The following OGG1 variants were observed in gnomAD, a reference collection of about 807,000 sequenced individuals.
OGG1 encodes N-glycosylase/DNA lyase.
A neutral mutation model predicts 42.3 loss-of-function variants in OGG1; 35 were observed. That is an observed-to-expected ratio of 0.83 (90% CI 0.63 to 1.10). The LOEUF is 1.10. Among genes scored for constraint, OGG1 ranks in the 50% least tolerant of loss-of-function variants. The pLI is 0.00. For missense variants in OGG1, 484 were observed against 446.7 expected (o/e 1.08, Z -0.75); for synonymous variants, 189 against 179.0 (o/e 1.06, Z -0.44).
downstream of OGG1, among the ~76,000 whole-genome samples, chr3:9,768,991 C>A (rs2078232369): frequency 6.6e-6 from 1 of 152,046 alleles, no homozygotes; most frequent in Admixed American, 6.6e-5. Context: ...CTGTAGCAGA[C>A]ATGCCACACC....
intron 3 of OGG1, chr3:9,785,309 C>T: frequency 6.2e-7 from 1 of 1,609,052 alleles, no homozygotes; most frequent in African/African-American, 1.3e-5. Flanking sequence ...GATAGGACAC[C>T]ACTCACCTGA....
intron 2 of OGG1, chr3:9,780,504 C>T: frequency 6.2e-7 from 1 of 1,608,348 alleles, no homozygotes; most frequent in Non-Finnish European, 8.5e-7. Flanking sequence ...CAGCCATGCG[C>T]ACCCGCTGCC....
intron 3 of OGG1, among the ~76,000 whole-genome samples, chr3:9,784,589 G>A (rs946652358): frequency 6.6e-6 from 1 of 151,994 alleles, no homozygotes; most frequent in African/African-American, 2.4e-5. Flanking sequence ...AGTAAGCCAG[G>A]CATGGTGGCT....
At chr3:9,754,053 C>T (rs777224715) in intron 3 of OGG1, among the ~76,000 whole-genome samples, 2 of 152,082 alleles carry the variant, frequency 1.3e-5, no homozygotes, top group Admixed American at 6.5e-5. Context: ...GTGGGAGGAT[C>T]GCTTGAGCCT....
downstream of OGG1, chr3:9,760,718 T>G (rs760839181): frequency 1.5e-5 from 25 of 1,613,910 alleles, no homozygotes; most frequent in Non-Finnish European, 2.0e-5. Context: ...CAAAATCTGT[T>G]CAAAGAGTTT....
In OGG1 at chr3:9,756,873, G is replaced by T. The variant is rs773230868; in HGVS notation, c.948+57G>T. 2.1e-5 allele frequency: 34 copies of T among 1,612,404 alleles called. No homozygotes were observed. In the South Asian group the frequency reaches 3.1e-4, roughly 15 times the overall value. ...CCTCTCCTCCAGCCCAGACCCAGTG[G>T]ACTCTTCCACCACCGCCCCAGGTGG... On this transcript the variant is annotated intron_variant, in intron 6 of 6. Transcript: ENST00000344629.
intron 3 of OGG1, chr3:9,787,068 G>T: frequency 6.2e-7 from 1 of 1,614,246 alleles, no homozygotes; most frequent in South Asian, 1.1e-5. Context: ...TCTTCCGGCT[G>T]TTCATGCTGG....
downstream of OGG1, chr3:9,761,822 C>T (rs963174279): frequency 3.8e-5 from 61 of 1,586,074 alleles, no homozygotes; most frequent in South Asian, 5.2e-4. Flanking sequence ...GAACCTTCTG[C>T]CGCTCCAAGC....
downstream of OGG1, chr3:9,758,760 G>C (rs4021704): frequency 0.21 from 41,929 of 200,576 alleles, 5,112 homozygotes; most frequent in East Asian, 0.54. Context: ...TTCCCAAGTA[G>C]CTGGGATTAC....
At chr3:9,760,710 A>G (rs2077818800), downstream of OGG1, 1 of 1,613,992 alleles carries the variant, frequency 6.2e-7, no homozygotes, top group Admixed American at 1.7e-5. Context: ...TCGGCCTTCA[A>G]AATCTGTTCA....
downstream of OGG1, among the ~76,000 whole-genome samples, chr3:9,790,933 T>C (rs550545828): frequency 9.2e-5 from 14 of 152,290 alleles, no homozygotes; most frequent in South Asian, 8.3e-4. Flanking sequence ...GGTATGTACT[T>C]GACTTTCTCA....
chr3:9,789,391 C>G (rs967577616), downstream of OGG1: 13 of 905,510 alleles, frequency 1.4e-5, no homozygotes, highest in East Asian at 2.7e-5. Flanking sequence ...ATGGAGCAGA[C>G]AGCAGACTGG....
At chr3:9,781,337 T>G (rs944452308) in intron 2 of OGG1, among the ~76,000 whole-genome samples, 1 of 151,236 alleles carries the variant, frequency 6.6e-6, no homozygotes, top group Admixed American at 6.6e-5. Context: ...GCACACCCAC[T>G]CTCTCTCTCT....
chr3:9,757,015 GACCCCAGTGT>G lies in OGG1; in HGVS notation c.949-41_949-32del. The G allele has an allele frequency of 6.2e-7, 1 of 1,613,508 alleles. No homozygotes were observed. The highest frequency in any genetic ancestry group is 1.1e-5 in the South Asian group (1 of 91,036). On this transcript the variant is annotated intron_variant, in intron 6 of 6. Transcript: ENST00000344629. This position sits in a 1 kb window ranked among gnomAD's most constrained non-coding sequence, Gnocchi z 4.5. ...CACTGTCACTAGTCTCACCAGCCCTGACCCCAGTGTACCCTCCTCCCCACACAGACTCCAC... is the reference window on the plus strand; with the variant it reads ...CACTGTCACTAGTCTCACCAGCCCTGACCCTCCTCCCCACACAGACTCCAC...
chr3:9,753,283 G>A (rs1263520311), intron 3 of OGG1, among the ~76,000 whole-genome samples: 3 of 150,172 alleles, frequency 2.0e-5, no homozygotes, highest in African/African-American at 7.4e-5. Context: ...AGCAGAGGTT[G>A]CAGTGAGCTG....
At chr3:9,773,853 T>C (rs1398408931) in intron 2 of OGG1, among the ~76,000 whole-genome samples, 3 of 151,954 alleles carry the variant, frequency 2.0e-5, no homozygotes, top group Non-Finnish European at 2.9e-5. Flanking sequence ...CCACCATACC[T>C]GGCTAATTTT....
chr3:9,774,459 A>C (rs1241488557), intron 2 of OGG1, among the ~76,000 whole-genome samples: 4 of 151,954 alleles, frequency 2.6e-5, no homozygotes, highest in Admixed American at 6.6e-5. Flanking sequence ...CTTTTTTTTA[A>C]CTTTTTTTCA....
intron 2 of OGG1, chr3:9,781,414 A>G (rs1013306799): frequency 7.0e-6 from 3 of 430,890 alleles, no homozygotes; most frequent in African/African-American, 6.1e-5. Flanking sequence ...CCGTGAGGAA[A>G]ATGAGGCTCA....
At chr3:9,763,339 G>T in intron 7 of OGG1, 3 of 1,036,078 alleles carry the variant, frequency 2.9e-6, no homozygotes, top group South Asian at 1.4e-5. Flanking sequence ...GCTGCAGTCT[G>T]TTATGATTGC....
Sources: allele counts gnomAD v4.1 joint callset (sites outside exome capture counted in the v4.1 genomes callset), GRCh38; gene constraint gnomAD v4.1.1; non-coding constraint Gnocchi (gnomAD v3.1); transcripts MANE v1.5; gene names NCBI Gene and HGNC (gene_info 2026-07-23, HGNC 2026-07-21).